The following GPC3 variants were observed in gnomAD, a reference collection of about 807,000 sequenced individuals.
GPC3 encodes the protein glypican 3.
A neutral mutation model predicts 34.4 loss-of-function variants in GPC3; 3 were observed. The ratio of observed to expected loss-of-function variants is 0.09; its 90% confidence interval spans 0.04 to 0.23. The LOEUF is 0.23. Among genes scored for constraint, GPC3 ranks in the 10% least tolerant of loss-of-function variants. The probability of loss-of-function intolerance (pLI) is 1.00; values close to 1 mark genes in which losing one functional copy is unlikely to be tolerated. For synonymous variants in GPC3, 177 were observed against 174.0 expected (o/e 1.02, Z -0.13); for missense variants, 351 against 445.6 (o/e 0.79, Z 1.91).
chrX:133,904,714 T>G (rs2076160489), intron 2 of GPC3, among the ~76,000 whole-genome samples: 1 of 112,046 alleles, frequency 8.9e-6, no homozygotes, highest in Non-Finnish European at 1.9e-5. Flanking sequence ...GGTTCAAGTC[T>G]AGTTTATCAC....
At chrX:133,603,422 T>C (rs1390508504) in intron 6 of GPC3, among the ~76,000 whole-genome samples, 3 of 111,250 alleles carry the variant, frequency 2.7e-5, no homozygotes, top group African/African-American at 9.8e-5. Flanking sequence ...GAAAGGCTGC[T>C]CCAATGTTAC....
At chrX:133,972,872 T>G (rs2076499275) in intron 1 of GPC3, among the ~76,000 whole-genome samples, 1 of 111,406 alleles carries the variant, frequency 9.0e-6, no homozygotes, top group African/African-American at 3.3e-5. Context: ...AATTTTTGGC[T>G]CTGTTGAAAA....
chrX:133,568,650 G>A (rs1449281096), intron 7 of GPC3, among the ~76,000 whole-genome samples: 1 of 111,244 alleles, frequency 9.0e-6, no homozygotes, highest in Non-Finnish European at 1.9e-5. Flanking sequence ...AGGTAGGAGT[G>A]TTTTAGGATC....
rs72615413 is a variant in GPC3, at chrX:133,651,623, T to C, written c.1413+10107A>G. ...TTTTGCATCCCAATTGTGTTATCTA[T>C]GTATTCACTAACCCCCACCTAGCAT... On this transcript the variant is annotated intron_variant, in intron 6 of 7. Coordinates refer to ENST00000370818, the MANE Select transcript of GPC3 (RefSeq NM_004484.4). Among the ~76,000 whole-genome samples, 240 of 111,674 alleles carry C rather than the reference T, an allele frequency of 2.1e-3. 5 individuals are homozygous for C. In the East Asian group the frequency reaches 0.065, roughly 30 times the overall value.
Position 133,953,133 on chromosome X carries a change from G to A in GPC3, c.254C>T (p.Ala85Val), listed in dbSNP as rs2076400546. 2.5e-6 allele frequency: 3 copies of A among 1,202,786 alleles called. No individual in the cohort carries two copies. The highest frequency in any genetic ancestry group is 3.4e-6 in the Non-Finnish European group (3 of 889,123). Reference protein sequence around the residue: ...RKMEEKYQLTARLNMEQLLQS... With the variant: ...RKMEEKYQLTVRLNMEQLLQS... ...AAGCAGCTGTTCCATGTTCAATCGT[G>A]CTGTTAGTTGGTATTTTTCTTCCAT... Residue 85 changes from alanine (A) to valine (V), a missense_variant, in exon 2 of 8, where the codon GCA becomes GTA. Physicochemically the swap from Ala to Val is moderately conservative, Grantham distance 64. Coordinates refer to ENST00000370818, the MANE Select transcript of GPC3 (RefSeq NM_004484.4).
At chrX:133,981,910 C>A (rs1435071276) in intron 1 of GPC3, among the ~76,000 whole-genome samples, 1 of 112,194 alleles carries the variant, frequency 8.9e-6, no homozygotes, top group Non-Finnish European at 1.9e-5. Context: ...CTTTCCAAGG[C>A]CTTCCAAGGC....
intron 2 of GPC3, among the ~76,000 whole-genome samples, chrX:133,888,386 G>A (rs142855552): frequency 1.9e-4 from 21 of 111,745 alleles, no homozygotes; most frequent in Non-Finnish European, 3.8e-4. Flanking sequence ...ATAAACATAC[G>A]TGTACATGTG....
intron 2 of GPC3, among the ~76,000 whole-genome samples, chrX:133,907,100 C>CAA (rs781615101): frequency 4.9e-5 from 4 of 81,757 alleles, no homozygotes; most frequent in Admixed American, 1.4e-4. Flanking sequence ...GACTCCATCT[C>CAA]AAAAAAAAAA....
intron 6 of GPC3, among the ~76,000 whole-genome samples, chrX:133,629,274 G>A (rs2070340577): frequency 8.9e-6 from 1 of 112,077 alleles, no homozygotes; most frequent in Non-Finnish European, 1.9e-5. Context: ...CACTCTTTGA[G>A]TATTGGGGGA....
intron 2 of GPC3, among the ~76,000 whole-genome samples, chrX:133,818,652 G>A: frequency 9.0e-6 from 1 of 111,604 alleles, no homozygotes; most frequent in East Asian, 2.8e-4. Flanking sequence ...TAGAATATGT[G>A]TTATAATAAG....
chrX:133,557,318 T>A (rs1444962234), intron 7 of GPC3, among the ~76,000 whole-genome samples: 4 of 110,794 alleles, frequency 3.6e-5, no homozygotes, highest in African/African-American at 1.3e-4. Context: ...TAAAAATAAA[T>A]AAATAAATAA....
At chrX:133,684,563 C>G (rs2070977100) in intron 5 of GPC3, among the ~76,000 whole-genome samples, 1 of 111,428 alleles carries the variant, frequency 9.0e-6, no homozygotes, top group Non-Finnish European at 1.9e-5. Context: ...ATATTATTTC[C>G]ATTGTCCATT....
chrX:133,957,425 A>G (rs1014724892), intron 1 of GPC3, among the ~76,000 whole-genome samples: 1 of 112,898 alleles, frequency 8.9e-6, no homozygotes, highest in African/African-American at 3.2e-5. Context: ...GCATGCCTAA[A>G]TGAAATGACA....
chrX:133,565,619 G>A (rs2069575579), intron 7 of GPC3, among the ~76,000 whole-genome samples: 1 of 111,998 alleles, frequency 8.9e-6, no homozygotes, highest in Middle Eastern at 4.2e-3. Context: ...GTAGGTTCCT[G>A]TGCCATCAAC....
chrX:133,558,713 A>G (rs1029117536), intron 7 of GPC3, among the ~76,000 whole-genome samples: 2 of 109,446 alleles, frequency 1.8e-5, no homozygotes, highest in Non-Finnish European at 3.8e-5. Flanking sequence ...CAAGATGGTG[A>G]AACCCTGTCT....
chrX:133,968,976 C>A (rs1321919726), intron 1 of GPC3, among the ~76,000 whole-genome samples: 1 of 110,158 alleles, frequency 9.1e-6, no homozygotes, highest in Non-Finnish European at 1.9e-5. Context: ...GTATAATGAG[C>A]ATGAATCTGA....
At chrX:133,907,752 C>T (rs2076175960) in intron 2 of GPC3, among the ~76,000 whole-genome samples, 2 of 110,873 alleles carry the variant, frequency 1.8e-5, no homozygotes, top group African/African-American at 6.6e-5. Context: ...AGCTTTTCTC[C>T]CCCCTGTATT....
At chrX:133,799,481 G>T (rs2075598273) in intron 2 of GPC3, among the ~76,000 whole-genome samples, 1 of 111,318 alleles carries the variant, frequency 9.0e-6, no homozygotes, top group Admixed American at 9.6e-5. Context: ...GGGAAAGGAA[G>T]TCAGAATAGG....
chrX:133,619,030 G>T (rs1210788502), intron 6 of GPC3, among the ~76,000 whole-genome samples: 1 of 111,182 alleles, frequency 9.0e-6, no homozygotes, highest in Non-Finnish European at 1.9e-5. Flanking sequence ...ATGGACAAAG[G>T]ATCTGAATAA....
Sources: gnomAD v4.1 joint callset for allele counts (sites outside exome capture counted in the v4.1 genomes callset) on GRCh38, gnomAD v4.1.1 for gene constraint, MANE v1.5 for transcripts, NCBI Gene and HGNC (gene_info 2026-07-23, HGNC 2026-07-21) for gene names.